MTHFD2L: variants seen among roughly 807,000 people sequenced by gnomAD.
MTHFD2L encodes the protein bifunctional methylenetetrahydrofolate dehydrogenase/cyclohydrolase 2, mitochondrial.
A neutral mutation model predicts 34.9 loss-of-function variants in MTHFD2L; 29 were observed. That is an observed-to-expected ratio of 0.83 (90% CI 0.62 to 1.13). The LOEUF (loss-of-function observed/expected upper bound fraction) is 1.13. Among genes scored for constraint, MTHFD2L ranks in the 50% most tolerant of loss-of-function variants. The pLI is 0.00. For missense variants in MTHFD2L, 481 were observed against 446.5 expected (o/e 1.08, Z -0.70); for synonymous variants, 167 against 155.7 (o/e 1.07, Z -0.54).
At chr4:74,258,899 C>T (rs1459877396) in intron 6 of MTHFD2L, among the ~76,000 whole-genome samples, 1 of 151,804 alleles carries the variant, frequency 6.6e-6, no homozygotes, top group African/African-American at 2.4e-5. Flanking sequence ...TGAACCCAGT[C>T]CCCAGTAAAA....
chr4:74,276,513 C>A (rs1318988046), intron 6 of MTHFD2L, among the ~76,000 whole-genome samples: 1 of 152,068 alleles, frequency 6.6e-6, no homozygotes, highest in African/African-American at 2.4e-5. Flanking sequence ...TGAAATCATT[C>A]ATTTTCAACT....
intron 6 of MTHFD2L, among the ~76,000 whole-genome samples, chr4:74,264,167 C>T (rs921507612): frequency 6.6e-6 from 1 of 151,996 alleles, no homozygotes; most frequent in Non-Finnish European, 1.5e-5. Context: ...TTCCTTCCCA[C>T]CACATCTATC....
intron 2 of MTHFD2L, among the ~76,000 whole-genome samples, chr4:74,117,411 T>A (rs1341472157): frequency 6.6e-6 from 1 of 152,202 alleles, no homozygotes; most frequent in Non-Finnish European, 1.5e-5. Flanking sequence ...AAAGGTACAG[T>A]GGGTTTTCAG....
chr4:74,184,945 C>G (rs895952967), intron 3 of MTHFD2L, among the ~76,000 whole-genome samples: 3 of 151,578 alleles, frequency 2.0e-5, no homozygotes, highest in African/African-American at 7.3e-5. Context: ...ATTAGTAGAT[C>G]GAGACCGTCC....
rs1750431151 is a variant in MTHFD2L at position 74,302,455 on chromosome 4, T to A, written c.*646T>A. Reference sequence around the variant, plus strand: ...GCTGTTTGGAAGTGTAATGATTTTATCACATGGTGAATGACTACTAAGAGT... The same window carrying A: ...GCTGTTTGGAAGTGTAATGATTTTAACACATGGTGAATGACTACTAAGAGT... On this transcript the variant is annotated 3_prime_UTR_variant, in exon 8 of 8. Coordinates refer to ENST00000325278, the MANE Select transcript of MTHFD2L (RefSeq NM_001144978.3). 2 of 152,110 alleles carry A rather than the reference T, an allele frequency of 1.3e-5. No homozygotes were observed. The allele number at this position is 152,110 out of a possible 1,614,324, so 9.4% of individuals were successfully genotyped here.
Position 74,150,487 on chromosome 4 carries a change from C to T in MTHFD2L, c.-296-9568C>T, listed in dbSNP as rs376418508. 5.3e-5 allele frequency among the ~76,000 whole-genome samples: 8 copies of T among 152,318 alleles called. No individual in the cohort carries two copies. The South Asian group carries it at 6.2e-4, about 12-fold the overall frequency. On this transcript the variant is annotated intron_variant, in intron 1 of 7. Transcript: ENST00000433372. ...CAGGCTGGTCTCAAACTGCCGACCT[C>T]GGGTGATCCGCCCGCCTAGGCTTCC...
intron 7 of MTHFD2L, chr4:74,288,411 T>G (rs1487603509): frequency 1.3e-5 from 2 of 152,192 alleles, no homozygotes; most frequent in African/African-American, 4.8e-5. Context: ...TATAGTCATG[T>G]GTGGAGTACA....
At chr4:74,187,493 A>G (rs1381702251) in intron 3 of MTHFD2L, among the ~76,000 whole-genome samples, 1 of 152,212 alleles carries the variant, frequency 6.6e-6, no homozygotes, top group Non-Finnish European at 1.5e-5. Flanking sequence ...ACAAATGGTA[A>G]ATAAGCATAT....
In MTHFD2L at chr4:74,302,006, C is replaced by G; in HGVS notation, c.*197C>G. On this transcript the variant is annotated 3_prime_UTR_variant, in exon 8 of 8. Coordinates refer to ENST00000325278, the MANE Select transcript of MTHFD2L (RefSeq NM_001144978.3). Reference sequence around the variant, plus strand: ...TTTATTTTGAGTTTTAAGAAAACAACCAAAACAATTCCAATGAAAATTTTA... The same window carrying G: ...TTTATTTTGAGTTTTAAGAAAACAAGCAAAACAATTCCAATGAAAATTTTA... 2.5e-6 allele frequency: 1 copy of G among 401,152 alleles called. No homozygotes were observed. The allele number at this position is 401,152 out of a possible 1,614,324, so 24.8% of individuals were successfully genotyped here.
chr4:74,255,365 T>C (rs1182862426), intron 6 of MTHFD2L, among the ~76,000 whole-genome samples: 1 of 151,952 alleles, frequency 6.6e-6, no homozygotes, highest in Non-Finnish European at 1.5e-5. Context: ...AGTAAGTAGA[T>C]ATATAAAAGT....
At chr4:74,167,057 G>A (rs1048623549) in intron 1 of MTHFD2L, among the ~76,000 whole-genome samples, 9 of 152,110 alleles carry the variant, frequency 5.9e-5, no homozygotes, top group African/African-American at 2.2e-4. Context: ...ATGAACCTAG[G>A]CTTCAGGTCT....
At chr4:74,260,103 G>A (rs1325524220) in intron 6 of MTHFD2L, among the ~76,000 whole-genome samples, 1 of 152,200 alleles carries the variant, frequency 6.6e-6, no homozygotes, top group Non-Finnish European at 1.5e-5. Context: ...AACTCTCCTG[G>A]AAGTTCTCTG....
intron 1 of MTHFD2L, among the ~76,000 whole-genome samples, chr4:74,159,772 GC>G (rs771383291): frequency 2.0e-5 from 3 of 152,170 alleles, no homozygotes; most frequent in Non-Finnish European, 4.4e-5. Context: ...TTATCCCTAT[GC>G]ACTGTAAGAG....
intron 1 of MTHFD2L, among the ~76,000 whole-genome samples, chr4:74,169,792 T>C (rs1263776209): frequency 6.6e-6 from 1 of 152,164 alleles, no homozygotes; most frequent in African/African-American, 2.4e-5. Context: ...CAGAAATTCA[T>C]AGGAAACAGT....
chr4:74,199,759 A>C (rs1199249653), intron 3 of MTHFD2L, 35 bp from the exon 4 acceptor site: 1 of 1,556,238 alleles, frequency 6.4e-7, no homozygotes, highest in East Asian at 2.3e-5. Context: ...ATAAATAACA[A>C]TTTTAAAATT....
At chr4:74,281,248 C>G (rs539995587) in intron 6 of MTHFD2L, among the ~76,000 whole-genome samples, 177 bp from the exon 7 acceptor site, 1 of 151,998 alleles carries the variant, frequency 6.6e-6, no homozygotes, top group Admixed American at 6.6e-5. Flanking sequence ...GATGTGCTGC[C>G]TTAATCATCT....
intron 6 of MTHFD2L, among the ~76,000 whole-genome samples, chr4:74,255,123 G>A (rs1307624209): frequency 3.9e-5 from 4 of 102,502 alleles, no homozygotes; most frequent in Non-Finnish European, 7.1e-5. Context: ...CAAAAAGAGC[G>A]AGACTCCATC....
chr4:74,180,040 T>C (rs1005825723), intron 3 of MTHFD2L, among the ~76,000 whole-genome samples: 1 of 152,150 alleles, frequency 6.6e-6, no homozygotes, highest in Non-Finnish European at 1.5e-5. Flanking sequence ...AACTGTTCCC[T>C]TTTGCACTCC....
chr4:74,130,078 A>C (rs2109800952), intron 1 of MTHFD2L, among the ~76,000 whole-genome samples: 1 of 152,310 alleles, frequency 6.6e-6, no homozygotes, highest in East Asian at 1.9e-4. Context: ...AAGTTCTGAA[A>C]TTGAGGCAGT....
Sources: gnomAD v4.1 joint callset for allele counts (sites outside exome capture counted in the v4.1 genomes callset) on GRCh38, gnomAD v4.1.1 for gene constraint, MANE v1.5 for transcripts, NCBI Gene and HGNC (gene_info 2026-07-23, HGNC 2026-07-21) for gene names.